The following PARP6 variants were observed in gnomAD, a reference collection of about 807,000 sequenced individuals.
The protein encoded by PARP6 is poly(ADP-ribose) polymerase family member 6, also known as protein mono-ADP-ribosyltransferase PARP6.
In PARP6, 27 loss-of-function variants were observed where a neutral mutation model predicts 92.0. That is an observed-to-expected ratio of 0.29 (90% CI 0.22 to 0.40). The LOEUF (loss-of-function observed/expected upper bound fraction) is 0.40. PARP6 is among the 10% of genes least tolerant of loss of function. The probability of loss-of-function intolerance (pLI) is 1.00; values close to 1 mark genes in which losing one functional copy is unlikely to be tolerated. For missense variants in PARP6, 501 were observed against 784.5 expected (o/e 0.64, Z 4.32); for synonymous variants, 272 against 281.2 (o/e 0.97, Z 0.33).
At position 72,241,428 on chromosome 15, in the gene PARP6, A is replaced by G. The variant is rs781480408; in HGVS notation, c.*27T>C. 3 of 1,464,230 alleles carry G rather than the reference A, an allele frequency of 2.0e-6. No homozygotes were observed. The highest frequency in any genetic ancestry group is 3.4e-5 in the Admixed American group (2 of 58,718). The allele number at this position is 1,464,230 out of a possible 1,614,324, so 90.7% of individuals were successfully genotyped here. A position where few individuals can be genotyped will look rare whatever the true frequency, so the allele number is the denominator to read the frequency against. On this transcript the variant is annotated 3_prime_UTR_variant, in exon 24 of 24. Transcript: ENST00000569795. The surrounding 1 kb of genome is among the most constrained non-coding windows in gnomAD (Gnocchi z 4.1). ...GAGGGCAGATGGATCCTGGGGTAACAGGGGTGGTACGAGGGCTGGGGCCCC... is the reference window on the plus strand; with the variant it reads ...GAGGGCAGATGGATCCTGGGGTAACGGGGGTGGTACGAGGGCTGGGGCCCC...
Position 72,265,157 on chromosome 15 carries a change from T to C in PARP6, c.252A>G (p.Thr84=). ...GTTCTGTCCGGAGGACCTTCCAGGC[T>C]GTAGAGACTTCCTCCTAAAAGAAGA... ...NISFLDEEVS[T]AWKVLRTEPI... The change falls in exon 7 of 24, where the codon ACA becomes ACG. Residue 84 remains threonine, a synonymous_variant. Coordinates refer to ENST00000569795, the MANE Select transcript of PARP6 (RefSeq NM_001323532.2). 2 of 1,611,538 alleles carry C rather than the reference T, an allele frequency of 1.2e-6. No individual in the cohort carries two copies. Among genetic ancestry groups the C allele is most frequent in the Non-Finnish European group, 1.7e-6 (2 of 1,177,752 alleles).
intron 8 of PARP6, among the ~76,000 whole-genome samples, chr15:72,263,480 C>A (rs28703826): frequency 6.6e-6 from 1 of 152,134 alleles, no homozygotes; most frequent in Non-Finnish European, 1.5e-5. Context: ...AATCTGACCA[C>A]GTCATTTCTT....
At position 72,243,169 on chromosome 15, in the gene PARP6, C is replaced by T. The variant is rs149160736; in HGVS notation, c.1562-470G>A. On this transcript the variant is annotated intron_variant, in intron 20 of 23. Transcript: ENST00000569795. ...GAGGCAAGCTAGGATCAGATCAAGC[C>T]GGCTTTGCAGGCCATGTTAAGGCAA... The T allele has an allele frequency of 7.7e-3, 1,206 of 156,776 alleles. 6 individuals are homozygous for T. Among genetic ancestry groups the T allele is most frequent in the Middle Eastern group, 0.033 (10 of 300 alleles). The allele number at this position is 156,776 out of a possible 1,614,324, so 9.7% of individuals were successfully genotyped here. A position where few individuals can be genotyped will look rare whatever the true frequency, so the allele number is the denominator to read the frequency against.
At chr15:72,250,513 C>T (rs2084205429) in intron 18 of PARP6, 1 of 334,130 alleles carries the variant, frequency 3.0e-6, no homozygotes, top group East Asian at 6.4e-5. Context: ...TAATACCTCT[C>T]TTTCTCTTTC....
chr15:72,271,368 C>G (rs910841912), intron 1 of PARP6, 81 bp from the exon 2 acceptor site: 2 of 152,152 alleles, frequency 1.3e-5, no homozygotes, highest in Admixed American at 6.5e-5. Context: ...CCGGCTTTTT[C>G]AAACCAGGCT....
intron 10 of PARP6, among the ~76,000 whole-genome samples, chr15:72,259,862 T>G (rs146725147): frequency 9.2e-5 from 14 of 152,324 alleles, no homozygotes; most frequent in African/African-American, 3.1e-4. Context: ...TCCTTCAAAG[T>G]AGATGGAATA....
At chr15:72,248,238 A>G (rs2140927044) in intron 20 of PARP6, among the ~76,000 whole-genome samples, 1 of 151,070 alleles carries the variant, frequency 6.6e-6, no homozygotes, top group South Asian at 2.1e-4. Flanking sequence ...ACCTATTTTT[A>G]TTTCACAGGT....
chr15:72,265,555 G>T, intron 5 of PARP6, 82 bp from the exon 6 acceptor site: 1 of 1,092,066 alleles, frequency 9.2e-7, no homozygotes, highest in Non-Finnish European at 1.4e-6. Flanking sequence ...AGAGAACTGA[G>T]CCTGGGGACA....
chr15:72,271,846 G>A (rs1018549892), intron 1 of PARP6, among the ~76,000 whole-genome samples: 16 of 152,228 alleles, frequency 1.1e-4, no homozygotes, highest in Admixed American at 6.5e-4. Flanking sequence ...AACGCTTTAT[G>A]AGTTTCCACG....
At chr15:72,260,031 A>G (rs12911285) in intron 10 of PARP6, among the ~76,000 whole-genome samples, 5,693 of 152,294 alleles carry the variant, frequency 0.037, 186 homozygotes, top group African/African-American at 0.089. Context: ...CTGTTAAAAA[A>G]TGTTTTCCAG....
At chr15:72,266,853 T>C in intron 3 of PARP6, 31 bp from the exon 4 acceptor site, 2 of 1,527,520 alleles carry the variant, frequency 1.3e-6, no homozygotes, top group Non-Finnish European at 1.8e-6. Flanking sequence ...TATCATGCTT[T>C]GTTAGGTCCC....
chr15:72,242,338 A>G lies in PARP6; in HGVS notation c.1642-118T>C. On this transcript the variant is annotated intron_variant, in intron 21 of 23. Coordinates refer to ENST00000569795, the MANE Select transcript of PARP6 (RefSeq NM_001323532.2). This position sits in a 1 kb window ranked among gnomAD's most constrained non-coding sequence, Gnocchi z 4.3. ...TCAGAGATATCCTGGGCTCCCAGCA[A>G]CACCCCTCGCCGCCCAGAAAATTCT... is the stretch of plus-strand genomic sequence containing the variant. The G allele has an allele frequency of 1.3e-6, 1 of 788,222 alleles. No homozygotes were observed. Among genetic ancestry groups the G allele is most frequent in the South Asian group, 1.5e-5 (1 of 65,816 alleles). The allele number at this position is 788,222 out of a possible 1,614,324, so 48.8% of individuals were successfully genotyped here.
intron 3 of PARP6, 113 bp downstream of exon 3, chr15:72,267,362 C>T (rs571715200): frequency 1.7e-6 from 2 of 1,150,384 alleles, no homozygotes; most frequent in Admixed American, 3.5e-5. Flanking sequence ...TTCAAATAGC[C>T]ACTCTATCTT....
intron 11 of PARP6, among the ~76,000 whole-genome samples, chr15:72,258,963 A>G (rs1331904576): frequency 1.3e-5 from 2 of 152,218 alleles, no homozygotes; most frequent in Non-Finnish European, 2.9e-5. Context: ...CTTCAATAGG[A>G]GAGATGTGGC....
At chr15:72,270,915 C>G (rs563161028) in intron 2 of PARP6, 108 bp downstream of exon 2, 2 of 152,132 alleles carry the variant, frequency 1.3e-5, no homozygotes, top group African/African-American at 4.8e-5. Context: ...ATGAATGAAC[C>G]CTCTGCTGGA....
rs745873552 is a variant in PARP6, at chr15:72,260,524, C to A, written c.710G>T (p.Cys237Phe). Reference protein sequence around the residue: ...YPPSPQAGLLCPQHVGLPPPA... With the variant: ...YPPSPQAGLLFPQHVGLPPPA... Reference sequence around the variant, plus strand: ...GGGAGGGAGGCCCACGTGCTGAGGGCACAGGAGACCTGCCTGGGGGCTGGG... The same window carrying A: ...GGGAGGGAGGCCCACGTGCTGAGGGAACAGGAGACCTGCCTGGGGGCTGGG... The change falls in exon 10 of 24, where the codon TGC becomes TTC. Residue 237 changes from cysteine (C) to phenylalanine (F), a missense_variant. This residue lies in a region of PARP6 where 291 missense variants were observed against 352.0 expected (regional missense o/e 0.83). Coordinates refer to ENST00000569795, the MANE Select transcript of PARP6 (RefSeq NM_001323532.2). 3.7e-6 allele frequency: 6 copies of A among 1,614,104 alleles called. No individual in the cohort carries two copies. The African/African-American group carries it at 6.7e-5, about 18-fold the overall frequency.
chr15:72,267,575 CCA>C lies in PARP6; in HGVS notation c.-100_-99del, dbSNP rs2086766368. On this transcript the variant is annotated 5_prime_UTR_variant, in exon 3 of 24. Coordinates refer to ENST00000569795, the MANE Select transcript of PARP6 (RefSeq NM_001323532.2). Reference sequence around the variant, plus strand: ...GCCAACGAGATGGGCATTTAGGAGACCACAAAGGGAGACAAGGTAGGGCACGA... The same window carrying C: ...GCCAACGAGATGGGCATTTAGGAGACCAAAGGGAGACAAGGTAGGGCACGA... The C allele has an allele frequency of 7.6e-7, 1 of 1,313,284 alleles. No homozygotes were observed. Among genetic ancestry groups the C allele is most frequent in the Non-Finnish European group, 1.1e-6 (1 of 907,822 alleles). 81.4% of individuals were successfully genotyped at this position (1,313,284 alleles called of 1,614,324 possible). A position where few individuals can be genotyped will look rare whatever the true frequency, so the allele number is the denominator to read the frequency against.
chr15:72,241,226 G>A lies in PARP6; in HGVS notation c.*229C>T, dbSNP rs2140860896. 4.6e-6 allele frequency: 3 copies of A among 658,314 alleles called. 1 individual carries two copies. In the Middle Eastern group the frequency reaches 8.7e-4, roughly 190 times the overall value. 40.8% of individuals were successfully genotyped at this position (658,314 alleles called of 1,614,324 possible). On this transcript the variant is annotated 3_prime_UTR_variant, in exon 24 of 24. Coordinates refer to ENST00000569795, the MANE Select transcript of PARP6 (RefSeq NM_001323532.2). This position sits in a 1 kb window ranked among gnomAD's most constrained non-coding sequence, Gnocchi z 4.1. ...ATTTTATTGTTTTATTTACAAACAG[G>A]GTGAAGTCAAAGGGAAAGTCAGGGG...
chr15:72,265,917 A>G lies in PARP6; in HGVS notation c.156T>C (p.Ser52=), dbSNP rs777686844. 6.2e-7 allele frequency: 1 copy of G among 1,612,654 alleles called. No individual in the cohort carries two copies. Among genetic ancestry groups the G allele is most frequent in the Non-Finnish European group, 8.5e-7 (1 of 1,178,688 alleles). The change falls in exon 5 of 24, where the codon AGT becomes AGC. Residue 52 remains serine, a synonymous_variant. Coordinates refer to ENST00000569795, the MANE Select transcript of PARP6 (RefSeq NM_001323532.2). ...CCCACCTGATGGATACAGAGTTCTC[A>G]CTGTAGATCTCCTTCACGGCTTCAA... ...ADIEAVKEIY[S]ENSVSIREYG... is the part of the protein sequence containing the mutation.
Sources: allele counts gnomAD v4.1 joint callset (sites outside exome capture counted in the v4.1 genomes callset), GRCh38; gene constraint gnomAD v4.1.1; regional missense constraint gnomAD v4.1.1; non-coding constraint Gnocchi (gnomAD v3.1); transcripts MANE v1.5; gene names NCBI Gene and HGNC (gene_info 2026-07-23, HGNC 2026-07-21).